Variants in SNX27 observed in about 807,000 individuals in gnomAD.
The protein encoded by SNX27 is sorting nexin-27.
In SNX27, 22 loss-of-function variants were observed where a neutral mutation model predicts 71.6. That is an observed-to-expected ratio of 0.31 (90% CI 0.22 to 0.44). The LOEUF is 0.44. Among genes scored for constraint, SNX27 ranks in the 20% least tolerant of loss-of-function variants. The probability of loss-of-function intolerance (pLI) is 1.00; values close to 1 mark genes in which losing one functional copy is unlikely to be tolerated. For synonymous variants in SNX27, 269 were observed against 277.2 expected (o/e 0.97, Z 0.29); for missense variants, 531 against 698.6 (o/e 0.76, Z 2.70).
chr1:151,663,852 A>G (rs1171183303), intron 5 of SNX27, among the ~76,000 whole-genome samples: 1 of 152,102 alleles, frequency 6.6e-6, no homozygotes, highest in African/African-American at 2.4e-5. Flanking sequence ...GATCAAATGA[A>G]TCGATCCATT....
At chr1:151,663,735 A>G (rs1217219918) in intron 5 of SNX27, among the ~76,000 whole-genome samples, 1 of 152,192 alleles carries the variant, frequency 6.6e-6, no homozygotes, top group African/African-American at 2.4e-5. Flanking sequence ...CTTCTCAACA[A>G]CAAGTACACA....
chr1:151,620,110 A>T (rs139003040), intron 1 of SNX27, among the ~76,000 whole-genome samples: 2 of 152,328 alleles, frequency 1.3e-5, no homozygotes, highest in East Asian at 3.9e-4. Context: ...GAAAATGTGA[A>T]AAGCTCTTAG....
chr1:151,674,637 G>A lies in SNX27; in HGVS notation c.1149+6002G>A, dbSNP rs377444478. Among the ~76,000 whole-genome samples the A allele has an allele frequency of 1.4e-4, 22 of 152,004 alleles. No individual in the cohort carries two copies. The South Asian group carries it at 4.6e-3, about 32-fold the overall frequency. On this transcript the variant is annotated intron_variant, in intron 7 of 11. Transcript: ENST00000458013. ...ACTAGTCTTCTACTGGCATTGAAGA[G>A]GGCAGTCATCTGGTTCCAGGGAATA...
At position 151,638,918 on chromosome 1, in the gene SNX27, C is replaced by T. The variant is rs777998061; in HGVS notation, c.342C>T (p.His114=). 51 of 1,614,050 alleles carry T rather than the reference C, an allele frequency of 3.2e-5. No homozygotes were observed. The highest frequency in any genetic ancestry group is 4.2e-5 in the Non-Finnish European group (50 of 1,180,042). ...ACGTGAATGTTGAGGGGGCGACACACAAGCAGGTGGTGGACCTGATTCGAG... is the reference window on the plus strand; with the variant it reads ...ACGTGAATGTTGAGGGGGCGACACATAAGCAGGTGGTGGACCTGATTCGAG... ...VNHVNVEGAT[H]KQVVDLIRAG... Residue 114 remains histidine, a synonymous_variant, in exon 2 of 12, where the codon CAC becomes CAT. Transcript: ENST00000458013.
At chr1:151,662,357 T>C in intron 5 of SNX27, 87 bp downstream of exon 5, 1 of 764,894 alleles carries the variant, frequency 1.3e-6, no homozygotes, top group Non-Finnish European at 2.2e-6. Context: ...ATAAAGTGCT[T>C]AGGGTGTCTG....
chr1:151,625,367 G>T (rs1264985108), intron 1 of SNX27, among the ~76,000 whole-genome samples: 1 of 151,890 alleles, frequency 6.6e-6, no homozygotes, highest in Non-Finnish European at 1.5e-5. Flanking sequence ...TTAGTCAGGT[G>T]TGGTGGCATG....
intron 11 of SNX27, chr1:151,693,817 G>A: frequency 6.9e-7 from 1 of 1,443,622 alleles, no homozygotes; most frequent in Middle Eastern, 2.6e-4. Context: ...CACAGGGGAA[G>A]CTGTCCTCAG....
chr1:151,612,667 T>G lies in SNX27; in HGVS notation c.311+155T>G, dbSNP rs930737735. ...CAGGCCTCCGCAGCCGGGCCCCTCC[T>G]TGTGGGCTGCCCTCCCACCACCCGC... On this transcript the variant is annotated intron_variant, in intron 1 of 11. Coordinates refer to ENST00000458013, the MANE Select transcript of SNX27 (RefSeq NM_001330723.2). The surrounding 1 kb of genome is among the most constrained non-coding windows in gnomAD (Gnocchi z 5.2). 6.7e-6 allele frequency among the ~76,000 whole-genome samples: 1 copy of G among 150,326 alleles called. No individual in the cohort carries two copies. The highest frequency in any genetic ancestry group is 2.1e-4 in the South Asian group (1 of 4,758).
At chr1:151,693,827 G>T (rs1040676255) in intron 11 of SNX27, 7 of 1,438,942 alleles carry the variant, frequency 4.9e-6, no homozygotes, top group Non-Finnish European at 6.3e-6. Flanking sequence ...GCTGTCCTCA[G>T]TTGTAGCCGT....
chr1:151,653,114 A>G (rs575941259), intron 2 of SNX27, among the ~76,000 whole-genome samples: 3 of 151,952 alleles, frequency 2.0e-5, no homozygotes, highest in Non-Finnish European at 2.9e-5. Context: ...TTTAGTAGAG[A>G]CAGGGTTTCT....
intron 11 of SNX27, 199 bp downstream of exon 11, chr1:151,693,682 A>T (rs1337462934): frequency 1.2e-6 from 2 of 1,612,040 alleles, no homozygotes; most frequent in African/African-American, 1.3e-5. Flanking sequence ...CTGTGCAAAA[A>T]AGCCCTGCTT....
intron 1 of SNX27, among the ~76,000 whole-genome samples, chr1:151,624,912 G>C (rs1667849416): frequency 6.6e-6 from 1 of 152,072 alleles, no homozygotes; most frequent in African/African-American, 2.4e-5. Context: ...TTCTTCCCCA[G>C]TAATAAACTC....
intron 7 of SNX27, among the ~76,000 whole-genome samples, chr1:151,675,320 C>G (rs916226104): frequency 2.0e-5 from 3 of 152,036 alleles, no homozygotes; most frequent in Admixed American, 1.3e-4. Context: ...TCTGCCATCC[C>G]TAATTGGAAG....
chr1:151,640,331 G>A (rs1209545490), intron 2 of SNX27, among the ~76,000 whole-genome samples: 1 of 152,094 alleles, frequency 6.6e-6, no homozygotes. Context: ...TTGGAAACCT[G>A]AGAAAAGGAA....
chr1:151,674,790 A>G (rs938198600), intron 7 of SNX27, among the ~76,000 whole-genome samples: 1 of 151,808 alleles, frequency 6.6e-6, no homozygotes, highest in Non-Finnish European at 1.5e-5. Context: ...GGGTTCAAGC[A>G]ATTCTCCTGC....
intron 1 of SNX27, among the ~76,000 whole-genome samples, chr1:151,619,926 T>G (rs1667596791): frequency 6.6e-6 from 1 of 152,156 alleles, no homozygotes; most frequent in East Asian, 1.9e-4. Context: ...CTAAACGAGG[T>G]AATAGAGATA....
chr1:151,613,920 C>T (rs1667310037), intron 1 of SNX27: 1 of 146,554 alleles, frequency 6.8e-6, no homozygotes, highest in Non-Finnish European at 1.5e-5. Context: ...TTCGATTTGC[C>T]CACTTGAAAT....
chr1:151,683,062 C>A (rs1558072892), intron 7 of SNX27, among the ~76,000 whole-genome samples: 1 of 152,024 alleles, frequency 6.6e-6, no homozygotes, highest in Non-Finnish European at 1.5e-5. Flanking sequence ...CCCATCAGAT[C>A]TTGTGAGAAC....
At chr1:151,694,035 T>C (rs756645042) in intron 11 of SNX27, 33 of 1,214,482 alleles carry the variant, frequency 2.7e-5, no homozygotes, top group Non-Finnish European at 3.3e-5. Context: ...CATGAAAATT[T>C]ATATTTTAGT....
Sources: allele counts gnomAD v4.1 joint callset (sites outside exome capture counted in the v4.1 genomes callset), GRCh38; gene constraint gnomAD v4.1.1; non-coding constraint Gnocchi (gnomAD v3.1); transcripts MANE v1.5; gene names NCBI Gene and HGNC (gene_info 2026-07-23, HGNC 2026-07-21).